SEC61B: variants seen among roughly 807,000 people sequenced by gnomAD.
SEC61B encodes SEC61 translocon subunit beta.
In SEC61B, 7 loss-of-function variants were observed where a neutral mutation model predicts 12.6. The observed-to-expected ratio is 0.55, with a 90% CI of 0.32 to 1.04. The LOEUF (loss-of-function observed/expected upper bound fraction) is 1.04, where lower values mean the gene tolerates loss of function less well. Among genes scored for constraint, SEC61B ranks in the 50% least tolerant of loss-of-function variants. The pLI, the probability that SEC61B is intolerant of heterozygous loss-of-function variation, is 0.05. For synonymous variants in SEC61B, 54 were observed against 50.1 expected, an observed-to-expected ratio of 1.08 and a Z score of -0.33; for missense variants, 107 against 130.1, an observed-to-expected ratio of 0.82 and a Z score of 0.86.
At chr9:99,229,904 G>A (rs936419195) in intron 3 of SEC61B, among the ~76,000 whole-genome samples, 1 of 152,138 alleles carries the variant, frequency 6.6e-6, no homozygotes, top group Non-Finnish European at 1.5e-5. Context: ...TCACGTTGGT[G>A]TGCTAGCAAA....
intron 2 of SEC61B, among the ~76,000 whole-genome samples, chr9:99,224,256 A>C (rs1828872057): frequency 6.6e-6 from 1 of 152,226 alleles, no homozygotes; most frequent in Non-Finnish European, 1.5e-5. Context: ...AGAAATGTAA[A>C]ATTATCCTGA....
In SEC61B at chr9:99,230,577, T is replaced by G; in HGVS notation, c.*153T>G. On this transcript the variant is annotated 3_prime_UTR_variant, in exon 4 of 4. Transcript: ENST00000223641. ...TCAATAATTGATTTTGAGGAATCAG[T>G]TTTTTTCTATGGCTAATAAACTTTT... The G allele has an allele frequency of 1.7e-6, 1 of 590,128 alleles. No individual in the cohort carries two copies. Among genetic ancestry groups the G allele is most frequent in the Non-Finnish European group, 3.0e-6 (1 of 335,894 alleles). 36.6% of individuals were successfully genotyped at this position (590,128 alleles called of 1,614,324 possible).
intron 2 of SEC61B, among the ~76,000 whole-genome samples, chr9:99,226,295 T>TC (rs1301716334): frequency 6.6e-6 from 1 of 152,108 alleles, no homozygotes; most frequent in Non-Finnish European, 1.5e-5. Flanking sequence ...CAGGGCAGGC[T>TC]CCCCGTGCTG....
At position 99,230,417 on chromosome 9, in the gene SEC61B, G is replaced by A. The variant is rs776348686; in HGVS notation, c.284G>A (p.Arg95His). The A allele has an allele frequency of 6.2e-6, 10 of 1,602,026 alleles. No homozygotes were observed. The highest frequency in any genetic ancestry group is 4.4e-5 in the South Asian group (4 of 90,328). The change falls in exon 4 of 4, where the codon CGT (arginine) becomes CAT (histidine). Residue 95 changes from arginine (R) to histidine (H), a missense_variant. Physicochemically the swap from Arg to His is conservative, Grantham distance 29. Transcript: ENST00000223641. ...FMLHIWGKYT[R>H]S ...TTGCACATTTGGGGCAAGTACACTC[G>A]TTCGTAGATTCAGTTACATCCATCT...
In SEC61B at chr9:99,230,472, C is replaced by T. The variant is rs1564231149; in HGVS notation, c.*48C>T. 7.7e-7 allele frequency: 1 copy of T among 1,290,330 alleles called. No homozygotes were observed. The highest frequency in any genetic ancestry group is 2.3e-5 in the East Asian group (1 of 42,732). 79.9% of individuals were successfully genotyped at this position (1,290,330 alleles called of 1,614,324 possible). A position where few individuals can be genotyped will look rare whatever the true frequency, so the allele number is the denominator to read the frequency against. On this transcript the variant is annotated 3_prime_UTR_variant, in exon 4 of 4. Coordinates refer to ENST00000223641, the MANE Select transcript of SEC61B (RefSeq NM_006808.3). Reference sequence around the variant, plus strand: ...TCTGAAGAAGGAGGAAAAAACCCAACATTTCTTGGACCAAAAGTATAGTGA... The same window carrying T: ...TCTGAAGAAGGAGGAAAAAACCCAATATTTCTTGGACCAAAAGTATAGTGA...
At chr9:99,227,475 G>C (rs932409357) in intron 2 of SEC61B, among the ~76,000 whole-genome samples, 1 of 152,038 alleles carries the variant, frequency 6.6e-6, no homozygotes, top group Admixed American at 6.6e-5. Context: ...TTTAAAACAG[G>C]AATTTATTAT....
chr9:99,224,871 C>T (rs2119016839), intron 2 of SEC61B, among the ~76,000 whole-genome samples: 1 of 152,314 alleles, frequency 6.6e-6, no homozygotes, highest in Admixed American at 6.5e-5. Context: ...ATTATGTTGT[C>T]TGTAGAGCTG....
At chr9:99,230,311 A>C (rs753417623) in intron 3 of SEC61B, 26 bp from the exon 4 acceptor site, 28 of 1,396,108 alleles carry the variant, frequency 2.0e-5, no homozygotes, top group Non-Finnish European at 2.6e-5. Flanking sequence ...ACTAAAAGTA[A>C]GCATGCTTTC....
intron 2 of SEC61B, among the ~76,000 whole-genome samples, chr9:99,227,322 T>C (rs1202283699): frequency 6.6e-6 from 1 of 151,330 alleles, no homozygotes; most frequent in Non-Finnish European, 1.5e-5. Flanking sequence ...ACAAAGTAAT[T>C]TTTTATAAAG....
chr9:99,228,549 G>A (rs1828926075), intron 3 of SEC61B, among the ~76,000 whole-genome samples: 1 of 152,190 alleles, frequency 6.6e-6, no homozygotes, highest in Non-Finnish European at 1.5e-5. Flanking sequence ...TGCTCATTAG[G>A]TGATGGGAAA....
chr9:99,228,850 C>T (rs1828928803), intron 3 of SEC61B, among the ~76,000 whole-genome samples: 1 of 152,122 alleles, frequency 6.6e-6, no homozygotes, highest in South Asian at 2.1e-4. Context: ...TTCAAAGAGG[C>T]AAAGTGACAT....
At chr9:99,226,821 G>A (rs1448235941) in intron 2 of SEC61B, among the ~76,000 whole-genome samples, 1 of 152,154 alleles carries the variant, frequency 6.6e-6, no homozygotes, top group African/African-American at 2.4e-5. Flanking sequence ...CTGCTAGGCT[G>A]CTTCTGTCTG....
intron 3 of SEC61B, 148 bp downstream of exon 3, chr9:99,228,148 T>C (rs1828920495): frequency 3.3e-6 from 2 of 601,446 alleles, no homozygotes; most frequent in Non-Finnish European, 2.9e-6. Flanking sequence ...TGGGTTTGGT[T>C]TGCCTGTTTA....
intron 2 of SEC61B, among the ~76,000 whole-genome samples, chr9:99,226,642 AC>A (rs1828899583): frequency 3.3e-5 from 5 of 151,874 alleles, no homozygotes; most frequent in Admixed American, 1.3e-4. Flanking sequence ...CTTGCCCCTT[AC>A]CCCCATATTG....
Position 99,230,527 on chromosome 9 carries a change from A to T in SEC61B, c.*103A>T, listed in dbSNP as rs1828949119. On this transcript the variant is annotated 3_prime_UTR_variant, in exon 4 of 4. Coordinates refer to ENST00000223641, the MANE Select transcript of SEC61B (RefSeq NM_006808.3). The stretch of plus-strand genomic sequence containing the variant: ...CTGTTCATGAGAGAAATTTTCTGTA[A>T]GCTTGCTGTTTTACAGGGGATTTAT... 1 of 746,218 alleles carries T rather than the reference A, an allele frequency of 1.3e-6. No homozygotes were observed. The highest frequency in any genetic ancestry group is 2.3e-6 in the Non-Finnish European group (1 of 441,714). The allele number at this position is 746,218 out of a possible 1,614,324, so 46.2% of individuals were successfully genotyped here. A position where few individuals can be genotyped will look rare whatever the true frequency, so the allele number is the denominator to read the frequency against.
chr9:99,225,070 G>T (rs1157399442), intron 2 of SEC61B, among the ~76,000 whole-genome samples: 1 of 152,196 alleles, frequency 6.6e-6, no homozygotes, highest in Non-Finnish European at 1.5e-5. Context: ...CAGGATTAAT[G>T]GGAATCAGGG....
At chr9:99,230,222 G>T (rs1253561056) in intron 3 of SEC61B, 115 bp from the exon 4 acceptor site, 7 of 579,426 alleles carry the variant, frequency 1.2e-5, no homozygotes. Flanking sequence ...GTTTCTGGAT[G>T]AACCTTGAGT....
chr9:99,222,504 C>T, intron 1 of SEC61B, 42 bp from the exon 2 acceptor site: 2 of 1,602,912 alleles, frequency 1.2e-6, no homozygotes, highest in Non-Finnish European at 1.7e-6. Context: ...CTGGGGCAGG[C>T]CTGCCGCGCT....
intron 2 of SEC61B, 192 bp downstream of exon 2, chr9:99,222,835 G>T (rs567368760): frequency 2.0e-6 from 1 of 512,104 alleles, no homozygotes; most frequent in Non-Finnish European, 3.4e-6. Flanking sequence ...TCAGTTTAGG[G>T]CACTACTCTT....
Sources: gnomAD v4.1 joint callset for allele counts (sites outside exome capture counted in the v4.1 genomes callset) on GRCh38, gnomAD v4.1.1 for gene constraint, MANE v1.5 for transcripts, NCBI Gene and HGNC (gene_info 2026-07-23, HGNC 2026-07-21) for gene names.